Variants in PID1 observed in about 807,000 individuals in gnomAD.
The protein encoded by PID1 is PTB-containing, cubilin and LRP1-interacting protein.
Under a neutral mutation model 19.1 loss-of-function variants are expected in PID1, and 10 were observed. That is an observed-to-expected ratio of 0.52 (90% CI 0.32 to 0.89). The LOEUF (loss-of-function observed/expected upper bound fraction) is 0.89. PID1 is among the 40% of genes least tolerant of loss of function. The pLI, the probability that PID1 is intolerant of heterozygous loss-of-function variation, is 0.03. For missense variants in PID1, 248 were observed against 285.3 expected (o/e 0.87, Z 0.94); for synonymous variants, 130 against 116.0 (o/e 1.12, Z -0.78).
intron 1 of PID1, among the ~76,000 whole-genome samples, chr2:229,232,486 T>G (rs1692232105): frequency 7.2e-6 from 1 of 139,472 alleles, no homozygotes; most frequent in Admixed American, 7.3e-5. Context: ...ACTTTGGCCA[T>G]TAAGTTTCAA....
At chr2:229,231,906 A>G (rs749268282) in intron 1 of PID1, 10 of 1,550,148 alleles carry the variant, frequency 6.5e-6, no homozygotes, top group Non-Finnish European at 7.8e-6. Flanking sequence ...ATAAAAAAAA[A>G]CAGAAATTGA....
At chr2:229,179,545 T>C (rs1690894676) in intron 1 of PID1, among the ~76,000 whole-genome samples, 1 of 152,186 alleles carries the variant, frequency 6.6e-6, no homozygotes, top group Non-Finnish European at 1.5e-5. Flanking sequence ...CAAATTTTCA[T>C]ACCATTTAAA....
intron 1 of PID1, among the ~76,000 whole-genome samples, chr2:229,211,623 T>G (rs1042164518): frequency 1.5e-4 from 23 of 152,222 alleles, no homozygotes; most frequent in Admixed American, 7.9e-4. Context: ...CATTCTCTTT[T>G]TAATGTACAT....
intron 1 of PID1, among the ~76,000 whole-genome samples, chr2:229,190,260 G>T (rs978158700): frequency 6.6e-6 from 1 of 152,168 alleles, no homozygotes; most frequent in African/African-American, 2.4e-5. Flanking sequence ...TTACCATACA[G>T]CTATACAAAA....
intron 2 of PID1, among the ~76,000 whole-genome samples, chr2:229,098,587 G>A (rs561671177): frequency 6.0e-5 from 9 of 149,344 alleles, no homozygotes; most frequent in Admixed American, 3.3e-4. Context: ...TCCTGGGGCT[G>A]GGGGGGAAGA....
chr2:229,207,259 G>A (rs546975806), intron 1 of PID1, among the ~76,000 whole-genome samples: 36 of 151,976 alleles, frequency 2.4e-4, no homozygotes, highest in South Asian at 1.9e-3. Flanking sequence ...CCCTACTAAG[G>A]ACCTGGATTT....
intron 2 of PID1, among the ~76,000 whole-genome samples, chr2:229,135,894 G>A (rs1383592716): frequency 3.9e-5 from 6 of 152,158 alleles, no homozygotes; most frequent in Admixed American, 3.9e-4. Flanking sequence ...CTGAAAACAT[G>A]GTCAGTAAAC....
chr2:229,026,178 G>A (rs1574564109), intron 2 of PID1, 70 bp from the exon 3 acceptor site: 2 of 1,018,342 alleles, frequency 2.0e-6, no homozygotes, highest in East Asian at 2.4e-5. Context: ...GACTGAATGA[G>A]TAGCTGTTCC....
intron 1 of PID1, among the ~76,000 whole-genome samples, chr2:229,157,220 A>G (rs1690391381): frequency 6.6e-6 from 1 of 152,168 alleles, no homozygotes; most frequent in Admixed American, 6.5e-5. Flanking sequence ...ACGTGAGGTC[A>G]CAAGTTCGAG....
chr2:229,171,312 C>T (rs1315178949), intron 1 of PID1, among the ~76,000 whole-genome samples: 2 of 152,148 alleles, frequency 1.3e-5, no homozygotes, highest in African/African-American at 4.8e-5. Flanking sequence ...AGGTGACATG[C>T]CAGAGCTTTG....
intron 1 of PID1, among the ~76,000 whole-genome samples, chr2:229,264,296 C>T (rs190569426): frequency 9.2e-5 from 14 of 152,262 alleles, no homozygotes; most frequent in East Asian, 7.7e-4. Flanking sequence ...AACTTCAGCA[C>T]GACTTCCCTT....
At chr2:229,085,038 T>TA (rs1694738444) in intron 2 of PID1, among the ~76,000 whole-genome samples, 1 of 152,120 alleles carries the variant, frequency 6.6e-6, no homozygotes, top group Non-Finnish European at 1.5e-5. Context: ...CCTCCCTCTT[T>TA]AAAGAGCTGA....
intron 2 of PID1, among the ~76,000 whole-genome samples, chr2:229,083,328 G>C (rs1043838377): frequency 6.6e-6 from 1 of 152,144 alleles, no homozygotes; most frequent in African/African-American, 2.4e-5. Context: ...GAGTGCAAGG[G>C]CATAAAAAAC....
intron 1 of PID1, among the ~76,000 whole-genome samples, chr2:229,185,432 T>G (rs1295433229): frequency 6.6e-6 from 1 of 152,138 alleles, no homozygotes. Context: ...TGTATTAGTC[T>G]GTTTTCATGC....
chr2:229,211,271 G>A (rs1691728294), intron 1 of PID1, among the ~76,000 whole-genome samples: 1 of 151,974 alleles, frequency 6.6e-6, no homozygotes, highest in South Asian at 2.1e-4. Flanking sequence ...GCAGGTTGCT[G>A]AGAAATGGGG....
intron 1 of PID1, among the ~76,000 whole-genome samples, chr2:229,178,953 A>G (rs1330786636): frequency 6.6e-6 from 1 of 152,290 alleles, no homozygotes; most frequent in South Asian, 2.1e-4. Context: ...GCCCCAACCC[A>G]AAGCCAGATC....
At chr2:229,155,736 C>A in intron 2 of PID1, 82 bp downstream of exon 2, 1 of 1,207,840 alleles carries the variant, frequency 8.3e-7, no homozygotes, top group Non-Finnish European at 1.2e-6. Context: ...AAATGATTAC[C>A]ATTGTGAAAC....
chr2:229,031,215 C>CAAAA (rs3083804), intron 2 of PID1, among the ~76,000 whole-genome samples: 2 of 68,424 alleles, frequency 2.9e-5, no homozygotes, highest in African/African-American at 6.4e-5. Context: ...GACTCTGTCT[C>CAAAA]AAAAAAAAAA....
intron 2 of PID1, among the ~76,000 whole-genome samples, chr2:229,110,998 T>G (rs932181749): frequency 6.6e-6 from 1 of 152,192 alleles, no homozygotes; most frequent in African/African-American, 2.4e-5. Flanking sequence ...TTCCCCATAC[T>G]GTTCCCATGG....
Sources: gnomAD v4.1 joint callset for allele counts (sites outside exome capture counted in the v4.1 genomes callset) on GRCh38, gnomAD v4.1.1 for gene constraint, MANE v1.5 for transcripts, NCBI Gene and HGNC (gene_info 2026-07-23, HGNC 2026-07-21) for gene names.